ELAVL2: variants seen among roughly 807,000 people sequenced by gnomAD.
The protein encoded by ELAVL2 is ELAV-like protein 2.
ELAVL2 carries 4 observed loss-of-function variants against 34.6 expected under a neutral mutation model. The ratio of observed to expected loss-of-function variants is 0.12; its 90% CI spans 0.06 to 0.26. The LOEUF (loss-of-function observed/expected upper bound fraction) is 0.26, where lower values mean the gene tolerates loss of function less well. Ranked by LOEUF, ELAVL2 falls within the 10% of genes least tolerant of loss-of-function variation. ELAVL2 has a pLI of 1.00. For synonymous variants in ELAVL2, 193 were observed against 154.8 expected (o/e 1.25, Z -1.83); for missense variants, 432 against 442.8 (o/e 0.98, Z 0.22).
chr9:23,696,186 A>G (rs530883988), intron 5 of ELAVL2, among the ~76,000 whole-genome samples: 12 of 152,006 alleles, frequency 7.9e-5, no homozygotes, highest in Middle Eastern at 3.4e-3. Context: ...CCTAGAAAAC[A>G]GTGCCCAGGC....
intron 2 of ELAVL2, among the ~76,000 whole-genome samples, chr9:23,758,645 A>T (rs545532550): frequency 2.0e-5 from 3 of 152,242 alleles, no homozygotes; most frequent in African/African-American, 4.8e-5. Context: ...ACAACAAATG[A>T]TTTCAAAAGC....
At chr9:23,778,091 G>A (rs1006383863) in intron 1 of ELAVL2, among the ~76,000 whole-genome samples, 10 of 152,164 alleles carry the variant, frequency 6.6e-5, no homozygotes, top group Non-Finnish European at 1.0e-4. Context: ...GAGGGGATGG[G>A]AGTCAAAAGT....
intron 1 of ELAVL2, among the ~76,000 whole-genome samples, chr9:23,782,978 T>A (rs908940783): frequency 6.6e-6 from 1 of 152,160 alleles, no homozygotes; most frequent in Admixed American, 6.5e-5. Flanking sequence ...TGTGCCTTCA[T>A]CCCCTCTCCC....
At chr9:23,730,899 C>T in intron 3 of ELAVL2, 123 bp downstream of exon 3, 1 of 851,978 alleles carries the variant, frequency 1.2e-6, no homozygotes, top group Non-Finnish European at 1.8e-6. Context: ...ACCAAAATTC[C>T]ACTATGTCTC....
intron 2 of ELAVL2, among the ~76,000 whole-genome samples, chr9:23,761,327 C>A (rs2054942599): frequency 6.6e-6 from 1 of 151,950 alleles, no homozygotes; most frequent in Non-Finnish European, 1.5e-5. Context: ...ACCCTTCTAT[C>A]CCAAGAACGT....
At chr9:23,828,468 A>G (rs2065398494), upstream of ELAVL2, among the ~76,000 whole-genome samples, 1 of 152,218 alleles carries the variant, frequency 6.6e-6, no homozygotes, top group South Asian at 2.1e-4. Flanking sequence ...ATATCTGTAG[A>G]TAACCCAAAA....
At chr9:23,828,699 G>A (rs1181304319), upstream of ELAVL2, among the ~76,000 whole-genome samples, 1 of 151,894 alleles carries the variant, frequency 6.6e-6, no homozygotes, top group Non-Finnish European at 1.5e-5. Context: ...TTTTTATGTA[G>A]GTGAGATGGA....
At chr9:23,828,432 C>CA (rs140285462), upstream of ELAVL2, among the ~76,000 whole-genome samples, 1,767 of 151,776 alleles carry the variant, frequency 0.012, 15 homozygotes, top group Non-Finnish European at 0.019. Flanking sequence ...TTTATATCCA[C>CA]AAAAAAAGAC....
At chr9:23,835,733 G>A in the ELAVL2 span, among the ~76,000 whole-genome samples, 4 of 152,252 alleles carry the variant, frequency 2.6e-5, no homozygotes, top group African/African-American at 9.6e-5. Flanking sequence ...CATATAGATG[G>A]AGCTATAGCT....
intron 6 of ELAVL2, 35 bp from the exon 7 acceptor site, chr9:23,692,919 CA>C (rs1351244824): frequency 1.3e-6 from 2 of 1,579,720 alleles, no homozygotes; most frequent in African/African-American, 2.7e-5. Flanking sequence ...CACATACACA[CA>C]AAAAATAAAA....
At chr9:23,788,514 C>T (rs148545865) in intron 1 of ELAVL2, among the ~76,000 whole-genome samples, 25 of 152,184 alleles carry the variant, frequency 1.6e-4, no homozygotes, top group African/African-American at 5.8e-4. Context: ...AAACTGGGCC[C>T]AGTAAGACAT....
chr9:23,729,946 C>A (rs566695121), intron 3 of ELAVL2, among the ~76,000 whole-genome samples: 89 of 152,242 alleles, frequency 5.8e-4, no homozygotes, highest in Non-Finnish European at 1.1e-3. Context: ...TCAGCCTTGA[C>A]TAACTTCCCC....
intron 1 of ELAVL2, among the ~76,000 whole-genome samples, chr9:23,788,083 A>T (rs2059911683): frequency 6.6e-6 from 1 of 152,230 alleles, no homozygotes; most frequent in African/African-American, 2.4e-5. Context: ...TTAAGACTGT[A>T]GGTAAGAAGG....
intron 1 of ELAVL2, among the ~76,000 whole-genome samples, chr9:23,824,571 C>A (rs1009759042): frequency 2.0e-5 from 3 of 152,158 alleles, no homozygotes; most frequent in African/African-American, 4.8e-5. Flanking sequence ...CACTCACCCA[C>A]ACCCCCTCGT....
chr9:23,786,098 A>G (rs918191277), intron 1 of ELAVL2, among the ~76,000 whole-genome samples: 1 of 152,188 alleles, frequency 6.6e-6, no homozygotes, highest in African/African-American at 2.4e-5. Context: ...AACATTTGTG[A>G]TAAATGCAGA....
chr9:23,741,282 A>AC (rs1327782531), intron 2 of ELAVL2, among the ~76,000 whole-genome samples: 3 of 151,678 alleles, frequency 2.0e-5, no homozygotes, highest in Middle Eastern at 3.2e-3. Context: ...AAGCAAACCG[A>AC]CCCCCCATCC....
At chr9:23,808,814 T>C (rs1488771068) in intron 1 of ELAVL2, among the ~76,000 whole-genome samples, 1 of 152,110 alleles carries the variant, frequency 6.6e-6, no homozygotes. Flanking sequence ...ATGGGTAAAG[T>C]TCCAGAAAAT....
At chr9:23,695,946 A>G (rs1268525398) in intron 5 of ELAVL2, among the ~76,000 whole-genome samples, 1 of 152,102 alleles carries the variant, frequency 6.6e-6, no homozygotes, top group East Asian at 1.9e-4. Context: ...TGGCATCCCC[A>G]GACAGGAGGT....
At chr9:23,830,272 A>C (rs1044175477), upstream of ELAVL2, 2 of 152,176 alleles carry the variant, frequency 1.3e-5, no homozygotes, top group African/African-American at 4.8e-5. Flanking sequence ...CTTTTACTGG[A>C]AGGTGAGTGA....
Sources: allele counts gnomAD v4.1 joint callset (sites outside exome capture counted in the v4.1 genomes callset), GRCh38; gene constraint gnomAD v4.1.1; transcripts MANE v1.5; gene names NCBI Gene and HGNC (gene_info 2026-07-23, HGNC 2026-07-21).